ARPP21: variants seen among roughly 807,000 people sequenced by gnomAD.
ARPP21 encodes cAMP-regulated phosphoprotein 21.
In ARPP21, 69 loss-of-function variants were observed where a neutral mutation model predicts 113.2. That is an observed-to-expected ratio of 0.61 (90% CI 0.50 to 0.74). The LOEUF is 0.74. Ranked by LOEUF, ARPP21 falls within the 30% of genes least tolerant of loss-of-function variation. The probability of loss-of-function intolerance (pLI) is 0.00; values close to 1 mark genes in which losing one functional copy is unlikely to be tolerated. For synonymous variants in ARPP21, 368 were observed against 375.5 expected (o/e 0.98, Z 0.23); for missense variants, 1,070 against 1,037.4 (o/e 1.03, Z -0.43).
In ARPP21 at chr3:35,793,909, G is replaced by A. The variant is rs769296888; in HGVS notation, c.2495G>A (p.Arg832Lys). Residue 832 changes from arginine to lysine, a missense_variant, in exon 21 of 21, where the codon AGA (arginine) becomes AAA (lysine). Arg to Lys is a conservative substitution (Grantham distance 26). Transcript: ENST00000684406. ...STVPVMSASC[R>K]TNCASMSNAG... ...GTCCCAGTGATGTCAGCTAGCTGCAGAACAAACTGTGCAAGTATGAGCAAT... is the reference window on the plus strand; with the variant it reads ...GTCCCAGTGATGTCAGCTAGCTGCAAAACAAACTGTGCAAGTATGAGCAAT... 2.7e-5 allele frequency: 44 copies of A among 1,614,046 alleles called. No homozygotes were observed. In the South Asian group the frequency reaches 3.4e-4, roughly 12 times the overall value.
rs141691263 is a variant in ARPP21, at chr3:35,775,345, T to C, written c.2138-17037T>C. Among the ~76,000 whole-genome samples, 444 of 152,322 alleles carry C rather than the reference T, an allele frequency of 2.9e-3. 2 individuals are homozygous for C. Among genetic ancestry groups the C allele is most frequent in the African/African-American group, 1.0e-2 (414 of 41,586 alleles). On this transcript the variant is annotated intron_variant, in intron 19 of 20. Transcript: ENST00000684406. ...CAGAATGAATCCCATTTCTCTAAGTTCATTTCAACAAAACTTTCACTGTGT... is the reference window on the plus strand; with the variant it reads ...CAGAATGAATCCCATTTCTCTAAGTCCATTTCAACAAAACTTTCACTGTGT...
At chr3:35,737,759 A>G (rs1054766110) in intron 16 of ARPP21, among the ~76,000 whole-genome samples, 3 of 152,166 alleles carry the variant, frequency 2.0e-5, no homozygotes, top group Non-Finnish European at 4.4e-5. Flanking sequence ...TTCTTCATCA[A>G]TGGGAAGAAC....
At chr3:35,707,851 C>CAA (rs201653445) in intron 10 of ARPP21, among the ~76,000 whole-genome samples, 9 of 133,850 alleles carry the variant, frequency 6.7e-5, no homozygotes, top group East Asian at 6.5e-4. Flanking sequence ...AAGTAAATGG[C>CAA]AAAAAAAAAA....
At chr3:35,693,222 C>A (rs980265753) in intron 9 of ARPP21, among the ~76,000 whole-genome samples, 4 of 151,610 alleles carry the variant, frequency 2.6e-5, no homozygotes, top group African/African-American at 7.3e-5. Flanking sequence ...TTTAGACACC[C>A]TTTCGTGAGT....
chr3:35,675,263 G>T (rs1307692222), intron 1 of ARPP21, among the ~76,000 whole-genome samples: 1 of 151,602 alleles, frequency 6.6e-6, no homozygotes, highest in East Asian at 1.9e-4. Context: ...GTGGTGATTT[G>T]CCTGTATGGG....
intron 19 of ARPP21, among the ~76,000 whole-genome samples, chr3:35,773,977 A>G (rs2096279641): frequency 6.6e-6 from 1 of 152,202 alleles, no homozygotes; most frequent in Non-Finnish European, 1.5e-5. Flanking sequence ...TTTGTAAGGC[A>G]GTGACTGTGT....
At chr3:35,749,811 G>A (rs926513594) in intron 19 of ARPP21, among the ~76,000 whole-genome samples, 1 of 151,848 alleles carries the variant, frequency 6.6e-6, no homozygotes, top group Non-Finnish European at 1.5e-5. Context: ...TAAGGTCTTC[G>A]CCCATTTCTT....
chr3:35,792,669 C>G (rs1577103657), intron 20 of ARPP21, 139 bp downstream of exon 20: 1 of 722,874 alleles, frequency 1.4e-6, no homozygotes, highest in East Asian at 2.6e-5. Flanking sequence ...TACTTTGAAT[C>G]AAGATTATAA....
rs777554015 is a variant in ARPP21, at chr3:35,743,875, A to T, written c.2047A>T (p.Thr683Ser). The T allele has an allele frequency of 3.7e-6, 6 of 1,614,096 alleles. No homozygotes were observed. The highest frequency in any genetic ancestry group is 5.1e-6 in the Non-Finnish European group (6 of 1,179,954). ...VYYYPSGQYP[T>S]STTQQYRPMA... ...TTATTACCCATCTGGTCAGTACCCT[A>T]CCTCAACCACGCAACAGTACCGGCC... The change falls in exon 19 of 21, where the codon ACC becomes TCC. Residue 683 changes from threonine to serine, a missense_variant. Coordinates refer to ENST00000684406, the MANE Select transcript of ARPP21 (RefSeq NM_001385562.1).
intron 19 of ARPP21, among the ~76,000 whole-genome samples, chr3:35,774,051 T>A (rs2096281875): frequency 6.6e-6 from 1 of 152,174 alleles, no homozygotes; most frequent in Non-Finnish European, 1.5e-5. Context: ...AGTTAAGTGT[T>A]CCTTACAAAT....
At position 35,714,031 on chromosome 3, in the gene ARPP21, G is replaced by A. The variant is rs572833901; in HGVS notation, c.898-1408G>A. Among the ~76,000 whole-genome samples, 3 of 152,300 alleles carry A rather than the reference G, an allele frequency of 2.0e-5. No homozygotes were observed. In the East Asian group the frequency reaches 5.8e-4, roughly 29 times the overall value. ...AAGAAGTTAGGACATTTAGTGTACT[G>A]TAAAGAGCCCTTCATAGGCATATCA... On this transcript the variant is annotated intron_variant, in intron 11 of 20. Transcript: ENST00000684406.
At chr3:35,694,265 C>A (rs1252821818) in intron 9 of ARPP21, among the ~76,000 whole-genome samples, 1 of 151,468 alleles carries the variant, frequency 6.6e-6, no homozygotes, top group Non-Finnish European at 1.5e-5. Flanking sequence ...GTGTACTGCA[C>A]TGACCTCTGG....
rs1465751694 is a variant in ARPP21 at position 35,729,444 on chromosome 3, A to G, written c.1367A>G (p.Gln456Arg). 1 of 1,614,100 alleles carries G rather than the reference A, an allele frequency of 6.2e-7. No homozygotes were observed. Among genetic ancestry groups the G allele is most frequent in the Non-Finnish European group, 8.5e-7 (1 of 1,180,050 alleles). The change falls in exon 15 of 21, where the codon CAG becomes CGG. Residue 456 changes from glutamine (Q) to arginine (R), a missense_variant. Coordinates refer to ENST00000684406, the MANE Select transcript of ARPP21 (RefSeq NM_001385562.1). ...TATCCAGAGAATGGAATAGGGGGCCAGGTTGCTCCCAGCAGCACCAGCTAC... is the reference window on the plus strand; with the variant it reads ...TATCCAGAGAATGGAATAGGGGGCCGGGTTGCTCCCAGCAGCACCAGCTAC... ...VPYPENGIGG[Q>R]VAPSSTSYIL...
Position 35,721,784 on chromosome 3 carries a change from G to C in ARPP21, c.1175G>C (p.Arg392Thr). 1 of 1,613,310 alleles carries C rather than the reference G, an allele frequency of 6.2e-7. No homozygotes were observed. Among genetic ancestry groups the C allele is most frequent in the East Asian group, 2.2e-5 (1 of 44,852 alleles). Residue 392 changes from arginine to threonine, a missense_variant, in exon 14 of 21, where the codon AGG (arginine) becomes ACG (threonine). Arg to Thr is a moderately conservative substitution (Grantham distance 71). Coordinates refer to ENST00000684406, the MANE Select transcript of ARPP21 (RefSeq NM_001385562.1). ...TTTGGGGGCATCACGGTGCTGACCA[G>C]GGGTGACAGCACTTCCAGTACTAGG... ...ASFGGITVLT[R>T]GDSTSSTRST...
intron 1 of ARPP21, among the ~76,000 whole-genome samples, chr3:35,648,270 T>C (rs1701026258): frequency 6.6e-6 from 1 of 152,182 alleles, no homozygotes; most frequent in Admixed American, 6.5e-5. Context: ...TGTTAACATA[T>C]GGGTATTATT....
At chr3:35,745,281 A>T (rs1386571676) in intron 19 of ARPP21, among the ~76,000 whole-genome samples, 1 of 152,220 alleles carries the variant, frequency 6.6e-6, no homozygotes, top group Non-Finnish European at 1.5e-5. Context: ...CGGTGCTATC[A>T]GTTTAGATAC....
At chr3:35,768,882 A>C (rs2096084980) in intron 19 of ARPP21, among the ~76,000 whole-genome samples, 1 of 152,196 alleles carries the variant, frequency 6.6e-6, no homozygotes, top group Non-Finnish European at 1.5e-5. Context: ...CTTTACAGGC[A>C]TAGTTTACTA....
At chr3:35,777,123 G>GTGTGCCTT (rs1466636692) in intron 19 of ARPP21, among the ~76,000 whole-genome samples, 1 of 152,156 alleles carries the variant, frequency 6.6e-6, no homozygotes, top group Non-Finnish European at 1.5e-5. Flanking sequence ...AATAGTGTGT[G>GTGTGCCTT]TGTGCCTTTG....
chr3:35,699,976 G>A (rs1249630956), intron 9 of ARPP21, among the ~76,000 whole-genome samples: 2 of 151,550 alleles, frequency 1.3e-5, no homozygotes, highest in African/African-American at 2.4e-5. Context: ...TCCTACTTAA[G>A]GTTAACTCTA....
Sources: gnomAD v4.1 joint callset for allele counts (sites outside exome capture counted in the v4.1 genomes callset) on GRCh38, gnomAD v4.1.1 for gene constraint, MANE v1.5 for transcripts, NCBI Gene and HGNC (gene_info 2026-07-23, HGNC 2026-07-21) for gene names.